HIVEP3: variants seen among roughly 807,000 people sequenced by gnomAD.
HIVEP3 encodes transcription factor HIVEP3.
Under a neutral mutation model 152.8 loss-of-function variants are expected in HIVEP3, and 49 were observed. The ratio of observed to expected loss-of-function variants is 0.32; its 90% CI spans 0.26 to 0.41. HIVEP3 has a LOEUF of 0.41. Ranked by LOEUF, HIVEP3 falls within the 10% of genes least tolerant of loss-of-function variation. The pLI, the probability that HIVEP3 is intolerant of heterozygous loss-of-function variation, is 1.00. For missense variants in HIVEP3, 2,790 were observed against 3,103.3 expected, an observed-to-expected ratio of 0.90 and a Z score of 2.40; for synonymous variants, 1,269 against 1,289.0, an observed-to-expected ratio of 0.98 and a Z score of 0.33.
chr1:41,959,075 C>A (rs1006223306), intron 1 of HIVEP3, among the ~76,000 whole-genome samples: 1 of 152,182 alleles, frequency 6.6e-6, no homozygotes, highest in Non-Finnish European at 1.5e-5. Context: ...ATGAATGGAG[C>A]AGCCATGATG....
intron 1 of HIVEP3, among the ~76,000 whole-genome samples, chr1:41,884,358 C>T (rs1644310379): frequency 6.6e-6 from 1 of 152,214 alleles, no homozygotes; most frequent in South Asian, 2.1e-4. Flanking sequence ...TAGAGGTCCA[C>T]TTCCCTGCTC....
At chr1:41,952,968 A>G (rs989924595) in intron 1 of HIVEP3, among the ~76,000 whole-genome samples, 9 of 152,082 alleles carry the variant, frequency 5.9e-5, no homozygotes, top group Non-Finnish European at 1.5e-5. Context: ...AGCCCTTTGC[A>G]GTCTAGGCAC....
intron 1 of HIVEP3, among the ~76,000 whole-genome samples, chr1:41,819,198 A>T (rs538027766): frequency 6.6e-6 from 1 of 152,258 alleles, no homozygotes; most frequent in African/African-American, 2.4e-5. Context: ...AAATCTTTCA[A>T]ATATACAGAA....
rs118058273 is a variant in HIVEP3 at position 41,970,210 on chromosome 1, A to C, written n.120-51686T>G. Reference sequence around the variant, plus strand: ...TGGGTATATACTCAAAGGAATATAAATTATTATATTATAAAGATGCATGCA... The same window carrying C: ...TGGGTATATACTCAAAGGAATATAACTTATTATATTATAAAGATGCATGCA... On this transcript the variant is annotated intron_variant and non_coding_transcript_variant, in intron 1 of 3. Coordinates refer to the HIVEP3 transcript ENST00000489103. 2.3e-3 allele frequency among the ~76,000 whole-genome samples: 355 copies of C among 152,360 alleles called. 5 individuals carry two copies. Among genetic ancestry groups the C allele is most frequent in the East Asian group, 0.017 (87 of 5,186 alleles).
chr1:41,882,733 T>C (rs1461412688), intron 1 of HIVEP3, among the ~76,000 whole-genome samples: 2 of 152,178 alleles, frequency 1.3e-5, no homozygotes, highest in South Asian at 2.1e-4. Flanking sequence ...ATGAGAATTA[T>C]TGTTATTACA....
intron 1 of HIVEP3, chr1:41,847,648 G>A (rs1051328094): frequency 1.3e-5 from 2 of 152,210 alleles, no homozygotes; most frequent in Non-Finnish European, 2.9e-5. Context: ...CTGGAGTAGG[G>A]CAGGCACTAA....
At chr1:41,522,963 C>A (rs679449) in intron 6 of HIVEP3, among the ~76,000 whole-genome samples, 45,697 of 152,176 alleles carry the variant, frequency 0.3, 8,530 homozygotes, top group Non-Finnish European at 0.43. Context: ...GAACTAACTG[C>A]TCACAGAAAG....
At chr1:41,722,559 T>TC (rs1475474061) in intron 1 of HIVEP3, among the ~76,000 whole-genome samples, 3 of 138,266 alleles carry the variant, frequency 2.2e-5, no homozygotes, top group African/African-American at 7.8e-5. Flanking sequence ...CTTCCCTCCT[T>TC]CCCTTCCTTC....
At chr1:41,716,953 A>T (rs1646603224) in intron 1 of HIVEP3, among the ~76,000 whole-genome samples, 1 of 152,180 alleles carries the variant, frequency 6.6e-6, no homozygotes, top group African/African-American at 2.4e-5. Flanking sequence ...AGCTGCACGC[A>T]CGTTGTGGAA....
intron 1 of HIVEP3, among the ~76,000 whole-genome samples, chr1:41,893,661 A>G (rs1644482336): frequency 6.6e-6 from 1 of 151,772 alleles, no homozygotes; most frequent in Non-Finnish European, 1.5e-5. Flanking sequence ...GCCTTTGTAT[A>G]ACTTACTTCA....
Position 42,004,931 on chromosome 1 carries a change from T to C in HIVEP3, n.119+30876A>G, listed in dbSNP as rs113580919. The stretch of plus-strand genomic sequence containing the variant: ...ACAGATGTGTTTCAAATATTAGAGT[T>C]TGCTGTAAATATGTCTGTCGCCTAG... On this transcript the variant is annotated intron_variant and non_coding_transcript_variant, in intron 1 of 3. Transcript: ENST00000489103. Among the ~76,000 whole-genome samples the C allele has an allele frequency of 4.9e-3, 745 of 152,308 alleles. 7 individuals are homozygous for C. The highest frequency in any genetic ancestry group is 0.017 in the African/African-American group (725 of 41,572).
chr1:41,724,334 T>C (rs889354594), intron 1 of HIVEP3, among the ~76,000 whole-genome samples: 1 of 152,208 alleles, frequency 6.6e-6, no homozygotes, highest in African/African-American at 2.4e-5. Context: ...TTGGCAAAGC[T>C]GGTTGGTCCC....
chr1:41,838,099 T>A (rs553072901), intron 1 of HIVEP3, among the ~76,000 whole-genome samples: 125 of 152,330 alleles, frequency 8.2e-4, no homozygotes, highest in Admixed American at 1.3e-3. Context: ...TTTTTGTTTT[T>A]CAGGACTTAT....
intron 5 of HIVEP3, among the ~76,000 whole-genome samples, chr1:41,544,818 T>TA (rs1558046080): frequency 8.4e-5 from 3 of 35,770 alleles, no homozygotes; most frequent in South Asian, 8.5e-4. Context: ...CACTACCACC[T>TA]CTACCACCAC....
intron 5 of HIVEP3, among the ~76,000 whole-genome samples, chr1:41,562,595 C>CTTCT (rs1257270558): frequency 1.2e-4 from 4 of 34,326 alleles, no homozygotes; most frequent in African/African-American, 2.4e-4. Context: ...TCCTTCCTTC[C>CTTCT]TTTCTTTCTC....
chr1:41,729,247 C>A (rs1646803193), intron 1 of HIVEP3, among the ~76,000 whole-genome samples: 1 of 152,214 alleles, frequency 6.6e-6, no homozygotes, highest in Non-Finnish European at 1.5e-5. Context: ...CCTTTCCCTG[C>A]CTTTCCCTCT....
intron 1 of HIVEP3, among the ~76,000 whole-genome samples, chr1:41,796,893 C>G (rs1650015858): frequency 6.6e-6 from 1 of 152,178 alleles, no homozygotes; most frequent in African/African-American, 2.4e-5. Flanking sequence ...AAGTTCCTGC[C>G]ATAAAGTAGG....
chr1:41,553,896 T>C (rs1569882118), intron 5 of HIVEP3, among the ~76,000 whole-genome samples: 1 of 152,232 alleles, frequency 6.6e-6, no homozygotes, highest in Non-Finnish European at 1.5e-5. Context: ...CCTTTGCGGG[T>C]AACCTGACCT....
At chr1:41,706,539 TC>T (rs1302041590) in intron 1 of HIVEP3, among the ~76,000 whole-genome samples, 1 of 152,198 alleles carries the variant, frequency 6.6e-6, no homozygotes, top group Non-Finnish European at 1.5e-5. Flanking sequence ...ACCTTGGCCT[TC>T]CAAAGTGCTG....
Sources: gnomAD v4.1 joint callset for allele counts (sites outside exome capture counted in the v4.1 genomes callset) on GRCh38, gnomAD v4.1.1 for gene constraint, MANE v1.5 for transcripts, NCBI Gene and HGNC (gene_info 2026-07-23, HGNC 2026-07-21) for gene names.